Variants in LZTS1 observed in about 807,000 individuals in gnomAD.
LZTS1 encodes leucine zipper tumor suppressor 1, also known as leucine zipper putative tumor suppressor 1.
A neutral mutation model predicts 45.8 loss-of-function variants in LZTS1; 31 were observed. The ratio of observed to expected loss-of-function variants is 0.68; its 90% CI spans 0.51 to 0.91. LZTS1 has a LOEUF of 0.91. Among genes scored for constraint, LZTS1 ranks in the 40% least tolerant of loss-of-function variants. LZTS1 has a pLI of 0.00. For synonymous variants in LZTS1, 359 were observed against 357.3 expected (o/e 1.00, Z -0.05); for missense variants, 821 against 788.9 (o/e 1.04, Z -0.49).
chr8:20,278,465 G>A (rs1250955755), intron 1 of LZTS1, among the ~76,000 whole-genome samples: 1 of 152,142 alleles, frequency 6.6e-6, no homozygotes, highest in Non-Finnish European at 1.5e-5. Flanking sequence ...AAGACCCCAG[G>A]TCAAAGGTCA....
intron 1 of LZTS1, among the ~76,000 whole-genome samples, chr8:20,291,328 C>T (rs1800898119): frequency 6.6e-6 from 1 of 152,176 alleles, no homozygotes; most frequent in Admixed American, 6.5e-5. Context: ...ACCCCCTGGA[C>T]ACCTGCCTCT....
intron 1 of LZTS1, among the ~76,000 whole-genome samples, chr8:20,296,069 G>C (rs976889855): frequency 2.0e-5 from 3 of 152,188 alleles, no homozygotes; most frequent in Non-Finnish European, 4.4e-5. Flanking sequence ...TGACTAAGGT[G>C]GTGGGTGGAA....
Position 20,303,948 on chromosome 8 carries a change from G to T in LZTS1, c.-343C>A, listed in dbSNP as rs1801129905. On this transcript the variant is annotated 5_prime_UTR_variant, in exon 1 of 4. Coordinates refer to ENST00000381569, the MANE Select transcript of LZTS1 (RefSeq NM_021020.5). ...GCCGCTGCCAACCCGCCAGCTCCAGGCGCGCCGGCCTCTGCGCGGGTCCCG... is the reference window on the plus strand; with the variant it reads ...GCCGCTGCCAACCCGCCAGCTCCAGTCGCGCCGGCCTCTGCGCGGGTCCCG... The T allele has an allele frequency of 1.0e-6, 1 of 975,912 alleles. No individual in the cohort carries two copies. The highest frequency in any genetic ancestry group is 1.8e-5 in the African/African-American group (1 of 56,840). 60.5% of individuals were successfully genotyped at this position (975,912 alleles called of 1,614,324 possible).
chr8:20,271,829 G>A (rs1228323888), intron 1 of LZTS1, among the ~76,000 whole-genome samples: 4 of 152,220 alleles, frequency 2.6e-5, no homozygotes, highest in Non-Finnish European at 2.9e-5. Context: ...TTTGGTGGGT[G>A]CACAGCGGCT....
At chr8:20,274,314 C>A (rs894043675) in intron 1 of LZTS1, among the ~76,000 whole-genome samples, 8 of 152,190 alleles carry the variant, frequency 5.3e-5, no homozygotes, top group Non-Finnish European at 1.0e-4. Flanking sequence ...TGCCTATGTT[C>A]TACCAGCTAC....
Position 20,289,323 on chromosome 8 carries a change from G to C in LZTS1, c.-135+14417C>G, listed in dbSNP as rs1800856218. 3 of 152,236 alleles carry C rather than the reference G, an allele frequency of 2.0e-5. No homozygotes were observed. In the South Asian group the frequency reaches 6.2e-4, roughly 32 times the overall value. The allele number at this position is 152,236 out of a possible 1,614,324, so 9.4% of individuals were successfully genotyped here. A position where few individuals can be genotyped will look rare whatever the true frequency, so the allele number is the denominator to read the frequency against. ...TCTATCATTGGGTATGGATGTAACA[G>C]GTTTGCCTGCAAAGGCTGAGCCTTC... is the stretch of plus-strand genomic sequence containing the variant. On this transcript the variant is annotated intron_variant, in intron 1 of 3. Coordinates refer to ENST00000381569, the MANE Select transcript of LZTS1 (RefSeq NM_021020.5).
intron 1 of LZTS1, chr8:20,289,360 G>A (rs980691931): frequency 2.0e-5 from 3 of 152,350 alleles, no homozygotes; most frequent in African/African-American, 7.2e-5. Context: ...CTGATCCTTA[G>A]AAGTGGGCCA....
At chr8:20,281,139 T>C (rs969802205) in intron 1 of LZTS1, among the ~76,000 whole-genome samples, 1 of 152,202 alleles carries the variant, frequency 6.6e-6, no homozygotes, top group Non-Finnish European at 1.5e-5. Flanking sequence ...AAGGGTAAGA[T>C]TGTGAGATGG....
chr8:20,289,471 C>A (rs1800859665), intron 1 of LZTS1, among the ~76,000 whole-genome samples: 1 of 152,164 alleles, frequency 6.6e-6, no homozygotes, highest in South Asian at 2.1e-4. Context: ...ACCCTGAGAC[C>A]AGCACTGCAA....
At chr8:20,287,932 T>C in intron 1 of LZTS1, among the ~76,000 whole-genome samples, 1 of 143,522 alleles carries the variant, frequency 7.0e-6, no homozygotes, top group African/African-American at 2.5e-5. Context: ...GGTTCCTGGC[T>C]TCTTCCCCTT....
chr8:20,301,742 G>C (rs6986009), intron 1 of LZTS1, among the ~76,000 whole-genome samples: 84,874 of 151,608 alleles, frequency 0.56, 23,996 homozygotes, highest in Non-Finnish European at 0.57. Flanking sequence ...CTTTCCCCAG[G>C]GCACCCCACG....
rs1467879670 is a variant in LZTS1 at position 20,250,472 on chromosome 8, G to C, written c.1150-109C>G. On this transcript the variant is annotated intron_variant, in intron 3 of 3. Transcript: ENST00000381569. ...CAAGCCACTCCGGATGCGGTGGCCC[G>C]GTGTTAGGCATTCCAGCCTTTGTCC... The C allele has an allele frequency of 4.7e-6, 5 of 1,064,892 alleles. No homozygotes were observed. In the Admixed American group the frequency reaches 8.4e-5, roughly 18 times the overall value. The allele number at this position is 1,064,892 out of a possible 1,614,324, so 66.0% of individuals were successfully genotyped here. A position where few individuals can be genotyped will look rare whatever the true frequency, so the allele number is the denominator to read the frequency against.
At chr8:20,297,508 G>T (rs551149221) in intron 1 of LZTS1, among the ~76,000 whole-genome samples, 1 of 152,138 alleles carries the variant, frequency 6.6e-6, no homozygotes, top group African/African-American at 2.4e-5. Flanking sequence ...TCCGCCTCCC[G>T]GGTTCAAGCA....
At chr8:20,265,727 A>C (rs1219195332) in intron 1 of LZTS1, among the ~76,000 whole-genome samples, 3 of 143,346 alleles carry the variant, frequency 2.1e-5, no homozygotes, top group Non-Finnish European at 4.6e-5. Flanking sequence ...CAACCCCTGA[A>C]TCTCACCATG....
Position 20,250,231 on chromosome 8 carries a change from C to T in LZTS1, c.1282G>A (p.Gly428Ser). The T allele has an allele frequency of 1.2e-6, 2 of 1,613,278 alleles. No homozygotes were observed. The highest frequency in any genetic ancestry group is 1.7e-6 in the Non-Finnish European group (2 of 1,180,018). ...AGGTCCTGGGTCCTCAGCTCCAGGC[C>T]CTCCAGCTTGCCCCGCGTGTCCTTC... ...QLKDTRGKLE[G>S]LELRTQDLEG... The change falls in exon 4 of 4, where the codon GGC (glycine) becomes AGC (serine). Residue 428 changes from glycine to serine, a missense_variant. Gly to Ser is a moderately conservative substitution (Grantham distance 56). Coordinates refer to ENST00000381569, the MANE Select transcript of LZTS1 (RefSeq NM_021020.5).
chr8:20,300,650 G>A (rs1427958603), intron 1 of LZTS1, among the ~76,000 whole-genome samples: 2 of 152,236 alleles, frequency 1.3e-5, no homozygotes, highest in Admixed American at 6.5e-5. Flanking sequence ...TGTATTTTGA[G>A]CTGGGAACTC....
intron 1 of LZTS1, among the ~76,000 whole-genome samples, chr8:20,283,642 G>A (rs987647093): frequency 6.6e-6 from 1 of 152,152 alleles, no homozygotes; most frequent in Admixed American, 6.5e-5. Context: ...ACACCTGGTT[G>A]TTCTGGGGAG....
chr8:20,260,043 G>A (rs777589548), intron 1 of LZTS1, among the ~76,000 whole-genome samples: 30 of 152,218 alleles, frequency 2.0e-4, no homozygotes, highest in Middle Eastern at 3.4e-3. Flanking sequence ...TGGGATGACG[G>A]CACATACCAT....
intron 3 of LZTS1, 80 bp from the exon 4 acceptor site, chr8:20,250,443 T>C (rs1446437235): frequency 1.4e-6 from 2 of 1,406,154 alleles, no homozygotes; most frequent in Admixed American, 5.0e-5. Flanking sequence ...CTGCCTAAAA[T>C]AACCAAGCCA....
Sources: gnomAD v4.1 joint callset for allele counts (sites outside exome capture counted in the v4.1 genomes callset) on GRCh38, gnomAD v4.1.1 for gene constraint, MANE v1.5 for transcripts, NCBI Gene and HGNC (gene_info 2026-07-23, HGNC 2026-07-21) for gene names.